Variants in TMEM132D observed in about 807,000 individuals in gnomAD.
TMEM132D encodes transmembrane protein 132D.
A neutral mutation model predicts 62.3 loss-of-function variants in TMEM132D; 21 were observed. The ratio of observed to expected loss-of-function variants is 0.34; its 90% CI spans 0.24 to 0.49. The LOEUF (loss-of-function observed/expected upper bound fraction) is 0.49. TMEM132D is among the 20% of genes least tolerant of loss of function. TMEM132D has a pLI of 0.99. For synonymous variants in TMEM132D, 621 were observed against 575.6 expected (o/e 1.08, Z -1.13); for missense variants, 1,346 against 1,402.8 (o/e 0.96, Z 0.65).
At chr12:129,185,804 TATCTATC>T (rs764899786) in intron 5 of TMEM132D, among the ~76,000 whole-genome samples, 3,195 of 139,018 alleles carry the variant, frequency 0.023, 60 homozygotes, top group East Asian at 0.12. Flanking sequence ...TCTATCTATC[TATCTATC>T]ATCTATCTAT....
chr12:129,729,259 T>A (rs1312655077), intron 1 of TMEM132D, among the ~76,000 whole-genome samples: 1 of 152,186 alleles, frequency 6.6e-6, no homozygotes, highest in Non-Finnish European at 1.5e-5. Flanking sequence ...AACACTTAGC[T>A]CAATATAATA....
intron 3 of TMEM132D, among the ~76,000 whole-genome samples, chr12:129,505,319 T>G (rs988483484): frequency 3.9e-5 from 6 of 151,966 alleles, no homozygotes; most frequent in Non-Finnish European, 8.8e-5. Flanking sequence ...CTTGGCTCAC[T>G]GCAAGCTCCG....
chr12:129,825,586 G>A (rs754242335), intron 1 of TMEM132D, among the ~76,000 whole-genome samples: 3 of 152,158 alleles, frequency 2.0e-5, no homozygotes, highest in Non-Finnish European at 4.4e-5. Context: ...CAAGCCCAGT[G>A]TCTCTTCTCT....
At chr12:129,133,109 C>T (rs1303672457) in intron 5 of TMEM132D, among the ~76,000 whole-genome samples, 2 of 152,146 alleles carry the variant, frequency 1.3e-5, no homozygotes, top group African/African-American at 4.8e-5. Context: ...GGGGGTTCCT[C>T]CCTAATCCTT....
At chr12:129,356,661 T>A (rs201840566) in intron 3 of TMEM132D, among the ~76,000 whole-genome samples, 1 of 109,486 alleles carries the variant, frequency 9.1e-6, no homozygotes, top group Non-Finnish European at 2.2e-5. Flanking sequence ...CTACAATAAA[T>A]AAATAAATAA....
chr12:129,825,011 CT>C (rs35111989), intron 1 of TMEM132D, among the ~76,000 whole-genome samples: 13,287 of 126,028 alleles, frequency 0.11, 769 homozygotes, highest in Middle Eastern at 0.17. Flanking sequence ...GATGGGCAGT[CT>C]TTTTTTTTTT....
At chr12:129,753,931 G>C (rs61946060) in intron 1 of TMEM132D, among the ~76,000 whole-genome samples, 12,843 of 151,960 alleles carry the variant, frequency 0.085, 637 homozygotes, top group South Asian at 0.14. Flanking sequence ...TCCTCCACTA[G>C]AGCCTGATAA....
chr12:129,342,375 T>G (rs966285431), intron 3 of TMEM132D, among the ~76,000 whole-genome samples: 2 of 151,932 alleles, frequency 1.3e-5, no homozygotes, highest in East Asian at 3.8e-4. Flanking sequence ...TAGCCATATG[T>G]AGAAAGCTGA....
intron 3 of TMEM132D, among the ~76,000 whole-genome samples, chr12:129,414,817 C>A (rs546609428): frequency 6.6e-6 from 1 of 152,168 alleles, no homozygotes; most frequent in African/African-American, 2.4e-5. Context: ...TCTGTTCCCC[C>A]ACCCCACCGC....
chr12:129,103,364 T>G (rs1259426969), intron 5 of TMEM132D, among the ~76,000 whole-genome samples: 2 of 152,190 alleles, frequency 1.3e-5, no homozygotes, highest in African/African-American at 4.8e-5. Flanking sequence ...CACTCCCTCA[T>G]GGACAATACC....
chr12:129,701,816 G>A (rs1258034046), intron 1 of TMEM132D, among the ~76,000 whole-genome samples: 1 of 152,114 alleles, frequency 6.6e-6, no homozygotes, highest in East Asian at 1.9e-4. Flanking sequence ...TTGATTACTC[G>A]GACACTCATG....
chr12:129,887,991 T>C (rs1170650341), intron 1 of TMEM132D, among the ~76,000 whole-genome samples: 2 of 152,180 alleles, frequency 1.3e-5, no homozygotes, highest in African/African-American at 4.8e-5. Context: ...CTGTTTTCCC[T>C]CCTATTGTTG....
intron 2 of TMEM132D, among the ~76,000 whole-genome samples, chr12:129,671,867 C>T (rs1880508234): frequency 6.6e-6 from 1 of 152,138 alleles, no homozygotes; most frequent in Admixed American, 6.5e-5. Context: ...GGTAGAATGG[C>T]TTGGATTCTT....
intron 1 of TMEM132D, among the ~76,000 whole-genome samples, chr12:129,772,400 G>A (rs912309732): frequency 9.2e-5 from 14 of 152,078 alleles, no homozygotes; most frequent in African/African-American, 3.1e-4. Context: ...TCATTTAAAT[G>A]GGAAAAAGAG....
intron 4 of TMEM132D, among the ~76,000 whole-genome samples, chr12:129,237,154 T>G (rs572347669): frequency 6.6e-6 from 1 of 152,350 alleles, no homozygotes; most frequent in African/African-American, 2.4e-5. Flanking sequence ...TTTTTGCATC[T>G]ACATTCCTCA....
rs543590860 is a variant in TMEM132D, at chr12:129,809,548, G to A, written c.79+93713C>T. On this transcript the variant is annotated intron_variant, in intron 1 of 8. Coordinates refer to ENST00000422113, the MANE Select transcript of TMEM132D (RefSeq NM_133448.3). ...GCATGAAGAAATGGGGCAGCTTTGC[G>A]CTAAGATTTAGCTTCTAAGTGAACA... 3.2e-4 allele frequency among the ~76,000 whole-genome samples: 48 copies of A among 152,098 alleles called. No homozygotes were observed. The South Asian group carries it at 9.2e-3, about 29-fold the overall frequency.
chr12:129,817,935 G>A (rs918870250), intron 1 of TMEM132D, among the ~76,000 whole-genome samples: 3 of 127,018 alleles, frequency 2.4e-5, no homozygotes, highest in African/African-American at 7.9e-5. Flanking sequence ...ATGTGGTTTG[G>A]AGTGTGTGTG....
intron 5 of TMEM132D, among the ~76,000 whole-genome samples, chr12:129,172,601 A>G (rs186127936): frequency 1.0e-3 from 155 of 152,266 alleles, no homozygotes; most frequent in African/African-American, 3.6e-3. Context: ...TTTTTGAGAT[A>G]GAGTTTCACT....
At chr12:129,294,189 C>A (rs531620881) in intron 4 of TMEM132D, among the ~76,000 whole-genome samples, 3 of 152,250 alleles carry the variant, frequency 2.0e-5, no homozygotes, top group African/African-American at 7.2e-5. Context: ...TACCATGATT[C>A]AGAATACCCT....
Sources: gnomAD v4.1 joint callset for allele counts (sites outside exome capture counted in the v4.1 genomes callset) on GRCh38, gnomAD v4.1.1 for gene constraint, MANE v1.5 for transcripts, NCBI Gene and HGNC (gene_info 2026-07-23, HGNC 2026-07-21) for gene names.